Variants in CADPS observed in about 807,000 individuals in gnomAD.
CADPS encodes calcium-dependent secretion activator 1.
Under a neutral mutation model 167.3 loss-of-function variants are expected in CADPS, and 57 were observed. The ratio of observed to expected loss-of-function variants is 0.34; its 90% confidence interval spans 0.28 to 0.42. The LOEUF is 0.42. Ranked by LOEUF, CADPS falls within the 20% of genes least tolerant of loss-of-function variation. The pLI, the probability that CADPS is intolerant of heterozygous loss-of-function variation, is 1.00. For missense variants in CADPS, 1,414 were observed against 1,738.1 expected (o/e 0.81, Z 3.32); for synonymous variants, 676 against 635.3 (o/e 1.06, Z -0.96).
intron 3 of CADPS, among the ~76,000 whole-genome samples, chr3:62,748,344 C>CAAAAAAAAAAAAAAAAAAAAAAAAAA (rs60942307): frequency 2.1e-5 from 1 of 48,508 alleles, no homozygotes; most frequent in Non-Finnish European, 3.4e-5. Context: ...GACTCCGTCT[C>CAAAAAAAAAAAAAAAAAAAAAAAAAA]AAAAAAAAAA....
Position 62,782,761 on chromosome 3 carries a change from CTT to C in CADPS, c.442-16779_442-16778del, listed in dbSNP as rs1191068833. Among the ~76,000 whole-genome samples the C allele has an allele frequency of 2.6e-3, 356 of 138,778 alleles. 1 individual carries two copies. Among genetic ancestry groups the C allele is most frequent in the African/African-American group, 8.1e-3 (301 of 37,342 alleles). The allele number at this position is 138,778 out of a possible 152,430, so 91.0% of individuals were successfully genotyped here. ...TTTGCATATAGTGTAGCATTTCTTT[CTT>C]TTTTTTTTTTTTTTGAGACGGAGTC... On this transcript the variant is annotated intron_variant, in intron 1 of 29. Transcript: ENST00000383710.
chr3:62,556,994 A>AACACACACAC (rs56228621), intron 10 of CADPS, among the ~76,000 whole-genome samples: 29 of 143,666 alleles, frequency 2.0e-4, no homozygotes, highest in South Asian at 1.1e-3. Flanking sequence ...GGTGAAAAAC[A>AACACACACAC]ACACACACAC....
At chr3:62,662,805 C>T (rs1366270953) in intron 3 of CADPS, among the ~76,000 whole-genome samples, 1 of 152,302 alleles carries the variant, frequency 6.6e-6, no homozygotes, top group East Asian at 1.9e-4. Context: ...GCACACATGG[C>T]ACGGGTCCAG....
At chr3:62,671,321 G>T (rs910267622) in intron 3 of CADPS, among the ~76,000 whole-genome samples, 2 of 151,696 alleles carry the variant, frequency 1.3e-5, no homozygotes, top group Non-Finnish European at 2.9e-5. Flanking sequence ...TTATATCTGG[G>T]GCTGGGAGAC....
chr3:62,701,483 C>T (rs750779026), intron 3 of CADPS, among the ~76,000 whole-genome samples: 2 of 151,794 alleles, frequency 1.3e-5, no homozygotes, highest in Non-Finnish European at 2.9e-5. Flanking sequence ...GAAAAGATGC[C>T]CTGTAGTCCC....
intron 6 of CADPS, 68 bp from the exon 7 acceptor site, chr3:62,592,816 T>C: frequency 1.7e-6 from 2 of 1,194,038 alleles, no homozygotes; most frequent in Admixed American, 3.6e-5. Flanking sequence ...ATTCCATTGT[T>C]CCCAGGTCAG....
chr3:62,503,969 C>T (rs1301997587), intron 17 of CADPS, among the ~76,000 whole-genome samples: 2 of 152,074 alleles, frequency 1.3e-5, no homozygotes, highest in African/African-American at 2.4e-5. Flanking sequence ...GCCAAGTTTC[C>T]TTCTTGGTTT....
chr3:62,670,374 AAAAT>A (rs1337194614), intron 3 of CADPS, among the ~76,000 whole-genome samples: 1 of 152,196 alleles, frequency 6.6e-6, no homozygotes, highest in Non-Finnish European at 1.5e-5. Flanking sequence ...GTTGTTACAA[AAAAT>A]CATCCAAGGA....
Position 62,650,963 on chromosome 3 carries a change from C to T in CADPS, c.1087G>A (p.Gly363Arg), listed in dbSNP as rs764455169. The T allele has an allele frequency of 5.6e-6, 9 of 1,614,066 alleles. No homozygotes were observed. The highest frequency in any genetic ancestry group is 2.2e-5 in the East Asian group (1 of 44,860). Reference protein sequence around the residue: ...NLESMPVSKGGEFKLQKLKRS... With the variant: ...NLESMPVSKGREFKLQKLKRS... Reference sequence around the variant, plus strand: ...TTGAGTTTCTGGAGCTTGAACTCCCCGCCTTTGGATACCGGCATGCTCTCC... The same window carrying T: ...TTGAGTTTCTGGAGCTTGAACTCCCTGCCTTTGGATACCGGCATGCTCTCC... Residue 363 changes from glycine (G) to arginine (R), a missense_variant, in exon 5 of 30, where the codon GGG becomes AGG. Coordinates refer to ENST00000383710, the MANE Select transcript of CADPS (RefSeq NM_003716.4).
At chr3:62,685,847 T>A (rs1035007281) in intron 3 of CADPS, among the ~76,000 whole-genome samples, 3 of 152,106 alleles carry the variant, frequency 2.0e-5, no homozygotes, top group African/African-American at 7.2e-5. Context: ...CTGCCACTGA[T>A]CTGACAGGAG....
intron 6 of CADPS, among the ~76,000 whole-genome samples, chr3:62,645,188 G>C (rs1009252227): frequency 4.6e-5 from 7 of 152,076 alleles, no homozygotes; most frequent in Non-Finnish European, 8.8e-5. Context: ...ATGGACTTTG[G>C]GGACTCAGGG....
chr3:62,849,134 G>C (rs928071541), intron 1 of CADPS, among the ~76,000 whole-genome samples: 1 of 151,462 alleles, frequency 6.6e-6, no homozygotes, highest in Non-Finnish European at 1.5e-5. Flanking sequence ...TTTGTATCCT[G>C]AGACTTTGCT....
chr3:62,706,530 C>T (rs190285922), intron 3 of CADPS, among the ~76,000 whole-genome samples: 3 of 152,186 alleles, frequency 2.0e-5, no homozygotes, highest in Non-Finnish European at 2.9e-5. Flanking sequence ...TGTATTGTCT[C>T]CCAATACTGG....
intron 1 of CADPS, among the ~76,000 whole-genome samples, chr3:62,861,088 T>C (rs767825491): frequency 8.5e-5 from 13 of 152,196 alleles, no homozygotes; most frequent in Non-Finnish European, 1.5e-4. Flanking sequence ...CCTGGGTTTA[T>C]TGTGGGGTTT....
intron 5 of CADPS, among the ~76,000 whole-genome samples, chr3:62,650,517 CCT>C (rs2069822504): frequency 6.6e-6 from 1 of 152,140 alleles, no homozygotes; most frequent in Non-Finnish European, 1.5e-5. Flanking sequence ...TGCTAGCTTG[CCT>C]CTCTTATAAC....
intron 17 of CADPS, among the ~76,000 whole-genome samples, chr3:62,507,823 C>A (rs940108873): frequency 1.3e-5 from 2 of 152,136 alleles, no homozygotes; most frequent in African/African-American, 4.8e-5. Flanking sequence ...GAAGAACATC[C>A]TTTTAAATAC....
chr3:62,487,769 G>A (rs1043890401), intron 21 of CADPS, among the ~76,000 whole-genome samples: 1 of 152,146 alleles, frequency 6.6e-6, no homozygotes, highest in East Asian at 1.9e-4. Flanking sequence ...AACCTTAATT[G>A]TATCAAGCCT....
chr3:62,769,605 C>T (rs890813432), intron 1 of CADPS, among the ~76,000 whole-genome samples: 1 of 152,256 alleles, frequency 6.6e-6, no homozygotes, highest in Non-Finnish European at 1.5e-5. Context: ...TTCACATGTA[C>T]ACATCTTTAA....
intron 8 of CADPS, among the ~76,000 whole-genome samples, chr3:62,578,251 G>C (rs1170777250): frequency 6.7e-6 from 1 of 149,060 alleles, no homozygotes; most frequent in Non-Finnish European, 1.5e-5. Context: ...AAAGTAAATT[G>C]CAGGTGAAGA....
Sources: allele counts gnomAD v4.1 joint callset (sites outside exome capture counted in the v4.1 genomes callset), GRCh38; gene constraint gnomAD v4.1.1; transcripts MANE v1.5; gene names NCBI Gene and HGNC (gene_info 2026-07-23, HGNC 2026-07-21).